NAGS: variants seen among roughly 807,000 people sequenced by gnomAD.
The protein encoded by NAGS is N-acetylglutamate synthase, mitochondrial.
NAGS carries 34 observed loss-of-function variants against 46.9 expected under a neutral mutation model. The ratio of observed to expected loss-of-function variants is 0.72; its 90% CI spans 0.55 to 0.97. The LOEUF (loss-of-function observed/expected upper bound fraction) is 0.97, where lower values mean the gene tolerates loss of function less well. Among genes scored for constraint, NAGS ranks in the 50% least tolerant of loss-of-function variants. The pLI, the probability that NAGS is intolerant of heterozygous loss-of-function variation, is 0.00. For missense variants in NAGS, 665 were observed against 747.0 expected (o/e 0.89, Z 1.28); for synonymous variants, 334 against 346.3 (o/e 0.96, Z 0.39).
rs1473274441 is a variant in NAGS at position 44,005,042 on chromosome 17, T to C, written c.379T>C (p.Phe127Leu). The change falls in exon 1 of 7, where the codon TTC (phenylalanine) becomes CTC (leucine). Residue 127 changes from phenylalanine to leucine, a missense_variant. By Grantham distance (22) the Phe-to-Leu change is conservative (BLOSUM62 0). Transcript: ENST00000293404. This position sits in a 1 kb window ranked among gnomAD's most constrained non-coding sequence, Gnocchi z 7.2. ...GGAGGCGCGCCACTGGCTCACGCAG[T>C]TCCAGACCTGCCATCACTCCGCGGA... ...PGEARHWLTQ[F>L]QTCHHSADKP... 6.4e-7 allele frequency: 1 copy of C among 1,570,488 alleles called. No individual in the cohort carries two copies. The highest frequency in any genetic ancestry group is 1.2e-5 in the South Asian group (1 of 86,502).
rs762358574 is a variant in NAGS, at chr17:44,007,633, G to C, written c.1311G>C (p.Gly437=). Residue 437 remains glycine, a synonymous_variant, in exon 6 of 7, where the codon GGG becomes GGC. Coordinates refer to ENST00000293404, the MANE Select transcript of NAGS (RefSeq NM_153006.3). The surrounding 1 kb of genome is among the most constrained non-coding windows in gnomAD (Gnocchi z 5.1). ...TTCTGACCATGGAGCCCGTCCTGGG[G>C]GGCACCCCGTACCTGGACAAATTTG... ...AAILTMEPVL[G]GTPYLDKFVV... 6.2e-7 allele frequency: 1 copy of C among 1,604,452 alleles called. No homozygotes were observed. Among genetic ancestry groups the C allele is most frequent in the Non-Finnish European group, 8.5e-7 (1 of 1,175,598 alleles).
Position 44,006,622 on chromosome 17 carries a change from G to A in NAGS, c.1009G>A (p.Val337Met), listed in dbSNP as rs1349525997. The change falls in exon 4 of 7, where the codon GTG (valine) becomes ATG (methionine). Residue 337 changes from valine to methionine, a missense_variant. Coordinates refer to ENST00000293404, the MANE Select transcript of NAGS (RefSeq NM_153006.3). This position sits in a 1 kb window ranked among gnomAD's most constrained non-coding sequence, Gnocchi z 4.8. The stretch of plus-strand genomic sequence containing the variant: ...AGAACGGCAGCAGATGCGGCTCATC[G>A]TGGACGTGCTCAGCCGCCTGCCCCA... ...TKERQQMRLI[V>M]DVLSRLPHHS... is the part of the protein sequence containing the mutation. The A allele has an allele frequency of 2.5e-6, 4 of 1,607,990 alleles. No individual in the cohort carries two copies. The highest frequency in any genetic ancestry group is 2.2e-5 in the South Asian group (2 of 90,384).
Position 44,008,700 on chromosome 17 carries a change from G to C in NAGS, c.*99G>C. ...AGGCAGCCAGCCACAGGCTGAAGGG[G>C]GCTTGTTGGCTGAGTGATCTGCAGA... is the stretch of plus-strand genomic sequence containing the variant. On this transcript the variant is annotated 3_prime_UTR_variant, in exon 7 of 7. Transcript: ENST00000293404. 1 of 1,506,360 alleles carries C rather than the reference G, an allele frequency of 6.6e-7. No individual in the cohort carries two copies. The highest frequency in any genetic ancestry group is 9.2e-7 in the Non-Finnish European group (1 of 1,086,470). The allele number at this position is 1,506,360 out of a possible 1,614,324, so 93.3% of individuals were successfully genotyped here.
chr17:44,008,311 T>A, intron 6 of NAGS, 137 bp from the exon 7 acceptor site: 1 of 980,640 alleles, frequency 1.0e-6, no homozygotes, highest in South Asian at 1.3e-5. Flanking sequence ...TAAAATGAGA[T>A]AACACACAGC....
chr17:44,008,388 G>A, intron 6 of NAGS, 60 bp from the exon 7 acceptor site: 1 of 1,592,352 alleles, frequency 6.3e-7, no homozygotes, highest in Non-Finnish European at 8.6e-7. Flanking sequence ...CAGAACCAGT[G>A]AGTAATGAAC....
rs1352970427 is a variant in NAGS at position 44,007,546 on chromosome 17, C to T, written c.1269-45C>T. ...GGTCTGGGGGGCAGTCGGGCAGCTT[C>T]GGACCAAGGAGAGGTCCCAGCCTGC... On this transcript the variant is annotated intron_variant, in intron 5 of 6. Transcript: ENST00000293404. This position sits in a 1 kb window ranked among gnomAD's most constrained non-coding sequence, Gnocchi z 5.1. The T allele has an allele frequency of 1.9e-6, 3 of 1,612,726 alleles. No individual in the cohort carries two copies. Among genetic ancestry groups the T allele is most frequent in the South Asian group, 1.1e-5 (1 of 91,052 alleles).
rs950937879 is a variant in NAGS at position 44,004,772 on chromosome 17, C to T, written c.109C>T (p.Arg37Trp). 1 of 1,377,970 alleles carries T rather than the reference C, an allele frequency of 7.3e-7. No homozygotes were observed. The highest frequency in any genetic ancestry group is 9.3e-7 in the Non-Finnish European group (1 of 1,072,402). 85.4% of individuals were successfully genotyped at this position (1,377,970 alleles called of 1,614,324 possible). A position where few individuals can be genotyped will look rare whatever the true frequency, so the allele number is the denominator to read the frequency against. ...CCGAAGGCTGAGCTGTGGCGCGCGG[C>T]GGCGGGCGGCGAGGGGCACCAGCCC... ...GARRLSCGAR[R>W]RAARGTSPGR... is the part of the protein sequence containing the mutation. Residue 37 changes from arginine (R) to tryptophan (W), a missense_variant, in exon 1 of 7, where the codon CGG becomes TGG. Transcript: ENST00000293404.
At position 44,007,835 on chromosome 17, in the gene NAGS, G is replaced by C. The variant is rs969192844; in HGVS notation, c.1451+62G>C. On this transcript the variant is annotated intron_variant, in intron 6 of 6. Transcript: ENST00000293404. The surrounding 1 kb of genome is among the most constrained non-coding windows in gnomAD (Gnocchi z 5.1). ...GACTTCCCTCCCCTCTCCCACCCTT[G>C]CCAACCATGCCAAGAAGGCTGGGCT... 1 of 1,510,772 alleles carries C rather than the reference G, an allele frequency of 6.6e-7. No individual in the cohort carries two copies. Among genetic ancestry groups the C allele is most frequent in the Non-Finnish European group, 9.0e-7 (1 of 1,110,014 alleles). The allele number at this position is 1,510,772 out of a possible 1,614,324, so 93.6% of individuals were successfully genotyped here.
chr17:44,004,798 G>A lies in NAGS; in HGVS notation c.135G>A (p.Pro45=), dbSNP rs1390227455. Residue 45 remains proline, a synonymous_variant, in exon 1 of 7, where the codon CCG becomes CCA. Transcript: ENST00000293404. ...GGCGGGCGGCGAGGGGCACCAGCCC[G>A]GGGCGCCGGCTCAGCACCGCCTGGT... is the stretch of plus-strand genomic sequence containing the variant. ...ARRRAARGTS[P]GRRLSTAWSQ... 5.1e-6 allele frequency: 7 copies of A among 1,373,202 alleles called. No individual in the cohort carries two copies. The highest frequency in any genetic ancestry group is 6.5e-6 in the Non-Finnish European group (7 of 1,068,984). 85.1% of individuals were successfully genotyped at this position (1,373,202 alleles called of 1,614,324 possible).
At position 44,004,777 on chromosome 17, in the gene NAGS, G is replaced by A. The variant is rs1451864146; in HGVS notation, c.114G>A (p.Arg38=). 1 of 1,367,386 alleles carries A rather than the reference G, an allele frequency of 7.3e-7. No individual in the cohort carries two copies. Among genetic ancestry groups the A allele is most frequent in the Non-Finnish European group, 9.4e-7 (1 of 1,066,790 alleles). 84.7% of individuals were successfully genotyped at this position (1,367,386 alleles called of 1,614,324 possible). Reference sequence around the variant, plus strand: ...GGCTGAGCTGTGGCGCGCGGCGGCGGGCGGCGAGGGGCACCAGCCCGGGGC... The same window carrying A: ...GGCTGAGCTGTGGCGCGCGGCGGCGAGCGGCGAGGGGCACCAGCCCGGGGC... The part of the protein sequence containing the change: ...ARRLSCGARR[R]AARGTSPGRR... The change falls in exon 1 of 7, where the codon CGG becomes CGA. Residue 38 remains arginine (R), a synonymous_variant. Transcript: ENST00000293404.
At position 44,007,615 on chromosome 17, in the gene NAGS, C is replaced by T. The variant is rs746570484; in HGVS notation, c.1293C>T (p.Thr431=). The stretch of plus-strand genomic sequence containing the variant: ...GGTACAACGCCGCCGCCATTCTGAC[C>T]ATGGAGCCCGTCCTGGGGGGCACCC... The part of the protein sequence containing the change: ...SEGYNAAAIL[T]MEPVLGGTPY... Residue 431 remains threonine, a synonymous_variant, in exon 6 of 7, where the codon ACC becomes ACT. Coordinates refer to ENST00000293404, the MANE Select transcript of NAGS (RefSeq NM_153006.3). This position sits in a 1 kb window ranked among gnomAD's most constrained non-coding sequence, Gnocchi z 5.1. 1.2e-6 allele frequency: 2 copies of T among 1,607,998 alleles called. No homozygotes were observed. Among genetic ancestry groups the T allele is most frequent in the East Asian group, 2.2e-5 (1 of 44,560 alleles).
Position 44,006,588 on chromosome 17 carries a change from G to A in NAGS, c.975G>A (p.Val325=), listed in dbSNP as rs770676572. 1.3e-6 allele frequency: 2 copies of A among 1,594,248 alleles called. No individual in the cohort carries two copies. Among genetic ancestry groups the A allele is most frequent in the Non-Finnish European group, 8.5e-7 (1 of 1,169,854 alleles). ...ACCTGGTGTGCAACGCCGAGTGGGT[G>A]AGCACAAAAGAACGGCAGCAGATGC... ...DLDLVCNAEW[V]STKERQQMRL... is the part of the protein sequence containing the mutation. The change falls in exon 4 of 7, where the codon GTG becomes GTA. Residue 325 remains valine (V), a synonymous_variant. Coordinates refer to ENST00000293404, the MANE Select transcript of NAGS (RefSeq NM_153006.3). The surrounding 1 kb of genome is among the most constrained non-coding windows in gnomAD (Gnocchi z 4.8).
rs1226933389 is a variant in NAGS at position 44,006,412 on chromosome 17, C to T, written c.916-117C>T. 6.7e-7 allele frequency: 1 copy of T among 1,490,220 alleles called. No homozygotes were observed. Among genetic ancestry groups the T allele is most frequent in the African/African-American group, 1.4e-5 (1 of 71,984 alleles). The allele number at this position is 1,490,220 out of a possible 1,614,324, so 92.3% of individuals were successfully genotyped here. A position where few individuals can be genotyped will look rare whatever the true frequency, so the allele number is the denominator to read the frequency against. On this transcript the variant is annotated intron_variant, in intron 3 of 6. Transcript: ENST00000293404. The surrounding 1 kb of genome is among the most constrained non-coding windows in gnomAD (Gnocchi z 4.8). ...GTGCCCAGATCTGCGCCCTCCCTGGCTAAGGACTCCGGGCGGAAGTAAGGA... is the reference window on the plus strand; with the variant it reads ...GTGCCCAGATCTGCGCCCTCCCTGGTTAAGGACTCCGGGCGGAAGTAAGGA...
rs371563014 is a variant in NAGS, at chr17:44,006,717, C to T, written c.1096+8C>T. On this transcript the variant is annotated splice_region_variant and intron_variant, in intron 4 of 6. Coordinates refer to ENST00000293404, the MANE Select transcript of NAGS (RefSeq NM_153006.3). The surrounding 1 kb of genome is among the most constrained non-coding windows in gnomAD (Gnocchi z 4.8). The stretch of plus-strand genomic sequence containing the variant: ...AGCTCTTTAGCAACAAGGGTGAGGG[C>T]GGTGGGCGGGCCGGGGACTGGGTCC... The T allele has an allele frequency of 2.8e-5, 45 of 1,589,702 alleles. No individual in the cohort carries two copies. The African/African-American group carries it at 4.7e-4, about 17-fold the overall frequency.
rs1480508997 is a variant in NAGS, at chr17:44,004,815, C to A, written c.152C>A (p.Thr51Asn). 1.4e-6 allele frequency: 2 copies of A among 1,475,706 alleles called. No individual in the cohort carries two copies. The highest frequency in any genetic ancestry group is 2.7e-5 in the East Asian group (1 of 37,124). The allele number at this position is 1,475,706 out of a possible 1,614,324, so 91.4% of individuals were successfully genotyped here. A position where few individuals can be genotyped will look rare whatever the true frequency, so the allele number is the denominator to read the frequency against. Residue 51 changes from threonine (T) to asparagine (N), a missense_variant, in exon 1 of 7, where the codon ACC (threonine) becomes AAC (asparagine). Physicochemically the swap from Thr to Asn is moderately conservative, Grantham distance 65. Transcript: ENST00000293404. Reference protein sequence around the residue: ...RGTSPGRRLSTAWSQPQPPPE... With the variant: ...RGTSPGRRLSNAWSQPQPPPE... Reference sequence around the variant, plus strand: ...ACCAGCCCGGGGCGCCGGCTCAGCACCGCCTGGTCGCAGCCCCAGCCCCCG... The same window carrying A: ...ACCAGCCCGGGGCGCCGGCTCAGCAACGCCTGGTCGCAGCCCCAGCCCCCG...
Position 44,006,217 on chromosome 17 carries a change from C to T in NAGS, c.895C>T (p.Leu299=). Residue 299 remains leucine, a synonymous_variant, in exon 3 of 7, where the codon CTG becomes TTG. Coordinates refer to ENST00000293404, the MANE Select transcript of NAGS (RefSeq NM_153006.3). This position sits in a 1 kb window ranked among gnomAD's most constrained non-coding sequence, Gnocchi z 4.8. ...CATCTTCCTCAATAACACAGGCGGC[C>T]TGCGCGACAGCAGTCATAAGGTGCG... ...KIIFLNNTGG[L]RDSSHKVLSN... is the part of the protein sequence containing the mutation. The T allele has an allele frequency of 6.2e-7, 1 of 1,613,280 alleles. No individual in the cohort carries two copies. The highest frequency in any genetic ancestry group is 1.1e-5 in the South Asian group (1 of 91,090).
rs1188689077 is a variant in NAGS at position 44,008,632 on chromosome 17, T to C, written c.*31T>C. The C allele has an allele frequency of 6.2e-7, 1 of 1,612,416 alleles. No homozygotes were observed. Among genetic ancestry groups the C allele is most frequent in the Non-Finnish European group, 8.5e-7 (1 of 1,179,644 alleles). The stretch of plus-strand genomic sequence containing the variant: ...ACCATGGACACTACAGGCCCTGGAA[T>C]GGCCAGGGTGGACCAAAAGCCATGC... On this transcript the variant is annotated 3_prime_UTR_variant, in exon 7 of 7. Transcript: ENST00000293404.
In NAGS at chr17:44,008,880, G is replaced by A; in HGVS notation, c.*279G>A. 3 of 523,150 alleles carry A rather than the reference G, an allele frequency of 5.7e-6. No individual in the cohort carries two copies. The highest frequency in any genetic ancestry group is 2.0e-5 in the South Asian group (1 of 49,792). The allele number at this position is 523,150 out of a possible 1,614,324, so 32.4% of individuals were successfully genotyped here. On this transcript the variant is annotated 3_prime_UTR_variant, in exon 7 of 7. Coordinates refer to ENST00000293404, the MANE Select transcript of NAGS (RefSeq NM_153006.3). Reference sequence around the variant, plus strand: ...CCTGGGGATTAGGGGAGGGGAGGGTGCCTTCCAGGGCTCTACTCAGGACTA... The same window carrying A: ...CCTGGGGATTAGGGGAGGGGAGGGTACCTTCCAGGGCTCTACTCAGGACTA...
In NAGS at chr17:44,007,614, C is replaced by A. The variant is rs761558985; in HGVS notation, c.1292C>A (p.Thr431Asn). ...SEGYNAAAIL[T>N]MEPVLGGTPY... Reference sequence around the variant, plus strand: ...AGGTACAACGCCGCCGCCATTCTGACCATGGAGCCCGTCCTGGGGGGCACC... The same window carrying A: ...AGGTACAACGCCGCCGCCATTCTGAACATGGAGCCCGTCCTGGGGGGCACC... Residue 431 changes from threonine to asparagine, a missense_variant, in exon 6 of 7, where the codon ACC (threonine) becomes AAC (asparagine). Transcript: ENST00000293404. The surrounding 1 kb of genome is among the most constrained non-coding windows in gnomAD (Gnocchi z 5.1). 1.9e-6 allele frequency: 3 copies of A among 1,607,836 alleles called. No individual in the cohort carries two copies. Among genetic ancestry groups the A allele is most frequent in the Non-Finnish European group, 2.5e-6 (3 of 1,177,196 alleles).
Sources: allele counts gnomAD v4.1 joint callset, GRCh38; gene constraint gnomAD v4.1.1; non-coding constraint Gnocchi (gnomAD v3.1); transcripts MANE v1.5; gene names NCBI Gene and HGNC (gene_info 2026-07-23, HGNC 2026-07-21).